Variants in CACNA2D4 observed in about 807,000 individuals in gnomAD.
The protein encoded by CACNA2D4 is voltage-dependent calcium channel subunit alpha-2/delta-4.
Under a neutral mutation model 163.8 loss-of-function variants are expected in CACNA2D4, and 157 were observed. The ratio of observed to expected loss-of-function variants is 0.96; its 90% CI spans 0.84 to 1.09. CACNA2D4 has a LOEUF of 1.09. Among genes scored for constraint, CACNA2D4 ranks in the 50% least tolerant of loss-of-function variants. The pLI, the probability that CACNA2D4 is intolerant of heterozygous loss-of-function variation, is 0.00. For synonymous variants in CACNA2D4, 598 were observed against 586.9 expected (o/e 1.02, Z -0.27); for missense variants, 1,410 against 1,479.9 (o/e 0.95, Z 0.78).
At chr12:1,892,844 T>C (rs760932478) in intron 6 of CACNA2D4, among the ~76,000 whole-genome samples, 15 of 152,188 alleles carry the variant, frequency 9.9e-5, no homozygotes, top group South Asian at 4.1e-4. Flanking sequence ...GCTATACTTA[T>C]ATTAGATAAA....
intron 12 of CACNA2D4, 97 bp downstream of exon 12, chr12:1,884,146 C>T: frequency 9.8e-7 from 1 of 1,022,350 alleles, no homozygotes. Flanking sequence ...TCTTAGGGGC[C>T]CATGGGGAAG....
chr12:1,809,360 G>A (rs1320636704), intron 29 of CACNA2D4: 7 of 604,996 alleles, frequency 1.2e-5, no homozygotes, highest in Admixed American at 8.8e-5. Context: ...AGCCCCCGGC[G>A]AGACACAGCT....
At chr12:1,876,983 TTC>T (rs924824076) in intron 16 of CACNA2D4, among the ~76,000 whole-genome samples, 1 of 152,242 alleles carries the variant, frequency 6.6e-6, no homozygotes, top group East Asian at 1.9e-4. Context: ...TCGTTATTTT[TTC>T]TTTTTCAAAC....
intron 18 of CACNA2D4, among the ~76,000 whole-genome samples, chr12:1,872,385 T>C (rs914922883): frequency 3.9e-5 from 6 of 152,024 alleles, no homozygotes; most frequent in African/African-American, 1.5e-4. Flanking sequence ...ACCTATAAAA[T>C]CCCCTGGAGA....
intron 6 of CACNA2D4, among the ~76,000 whole-genome samples, chr12:1,898,720 T>A (rs1183914307): frequency 6.6e-6 from 1 of 151,952 alleles, no homozygotes. Context: ...TATATATGTA[T>A]ACACACAAAA....
intron 26 of CACNA2D4, among the ~76,000 whole-genome samples, chr12:1,831,753 A>T (rs367860209): frequency 3.1e-5 from 2 of 64,480 alleles, no homozygotes; most frequent in African/African-American, 5.9e-5. Context: ...CTCCACCCCC[A>T]CCCTCCCCTC....
intron 26 of CACNA2D4, chr12:1,827,989 A>G (rs1766413959): frequency 1.9e-6 from 1 of 520,784 alleles, no homozygotes; most frequent in South Asian, 3.2e-5. Flanking sequence ...TGAGGAGTGT[A>G]AAGAGACACC....
At chr12:1,900,614 T>C (rs7134485) in intron 6 of CACNA2D4, among the ~76,000 whole-genome samples, 10,105 of 152,224 alleles carry the variant, frequency 0.066, 821 homozygotes, top group East Asian at 0.42. Context: ...TTGAATGTCA[T>C]TAGATAATGA....
chr12:1,861,737 T>C (rs1182429779), intron 18 of CACNA2D4, among the ~76,000 whole-genome samples: 3 of 152,100 alleles, frequency 2.0e-5, no homozygotes, highest in Non-Finnish European at 4.4e-5. Context: ...GCCACCATGC[T>C]CGGCCTATCT....
chr12:1,797,195 T>C (rs1305013311), intron 35 of CACNA2D4, among the ~76,000 whole-genome samples: 1 of 152,138 alleles, frequency 6.6e-6, no homozygotes, highest in Non-Finnish European at 1.5e-5. Flanking sequence ...GCTGTCCCGG[T>C]CCCCAGCCGT....
At chr12:1,856,951 G>A (rs570096380) in intron 20 of CACNA2D4, among the ~76,000 whole-genome samples, 1 of 152,232 alleles carries the variant, frequency 6.6e-6, no homozygotes, top group Non-Finnish European at 1.5e-5. Flanking sequence ...AGCTGGAAGG[G>A]GAGCTCCCTT....
chr12:1,849,224 G>A (rs1241103166), intron 23 of CACNA2D4, among the ~76,000 whole-genome samples: 1 of 152,172 alleles, frequency 6.6e-6, no homozygotes, highest in Non-Finnish European at 1.5e-5. Context: ...TTCTTTAAGA[G>A]AAATACATCA....
chr12:1,825,729 G>T (rs1249981063), intron 26 of CACNA2D4, among the ~76,000 whole-genome samples: 1 of 152,232 alleles, frequency 6.6e-6, no homozygotes, highest in Non-Finnish European at 1.5e-5. Context: ...GCCTGTGTGT[G>T]TGCCCTGCTC....
At chr12:1,911,588 C>A (rs1320254115) in intron 3 of CACNA2D4, among the ~76,000 whole-genome samples, 1 of 152,178 alleles carries the variant, frequency 6.6e-6, no homozygotes, top group Admixed American at 6.5e-5. Context: ...AAACTTCCCA[C>A]GCGCACCCTC....
chr12:1,843,150 G>A lies in CACNA2D4; in HGVS notation c.2470+1252C>T, dbSNP rs78571582. Among the ~76,000 whole-genome samples the A allele has an allele frequency of 0.013, 1,982 of 152,284 alleles. 33 individuals are homozygous for A. The highest frequency in any genetic ancestry group is 0.045 in the African/African-American group (1,885 of 41,558). Reference sequence around the variant, plus strand: ...TGTGAAGCATAGTAGTTATTTGCACGTGTGTGGAGGGAACAGCACAGGTGG... The same window carrying A: ...TGTGAAGCATAGTAGTTATTTGCACATGTGTGGAGGGAACAGCACAGGTGG... On this transcript the variant is annotated intron_variant, in intron 25 of 37. Coordinates refer to ENST00000382722, the MANE Select transcript of CACNA2D4 (RefSeq NM_172364.5). The surrounding 1 kb of genome is among the most constrained non-coding windows in gnomAD (Gnocchi z 4.6).
chr12:1,871,369 TGTGCTGCTGGTGTGTGTGTACAC>T (rs1397736966), intron 18 of CACNA2D4, among the ~76,000 whole-genome samples: 10 of 141,356 alleles, frequency 7.1e-5, no homozygotes, highest in East Asian at 2.0e-4. Context: ...TGTACATGTG[TGTGCTGCTGGTGTGTGTGTACAC>T]GTGCTGCTGG....
chr12:1,880,204 A>G (rs190345354), intron 13 of CACNA2D4, among the ~76,000 whole-genome samples: 2 of 152,346 alleles, frequency 1.3e-5, no homozygotes, highest in East Asian at 3.9e-4. Flanking sequence ...TTAAGTGCAA[A>G]CCCAGGAAAC....
Position 1,799,754 on chromosome 12 carries a change from A to G in CACNA2D4, c.2975-59T>C. On this transcript the variant is annotated intron_variant, in intron 33 of 37. Transcript: ENST00000382722. The surrounding 1 kb of genome is among the most constrained non-coding windows in gnomAD (Gnocchi z 4.7). The stretch of plus-strand genomic sequence containing the variant: ...ACGGCACAGGAAAACATGGTGGCAC[A>G]TGAGGGCAGGATGTCATGGGGTGGT... 1 of 1,553,020 alleles carries G rather than the reference A, an allele frequency of 6.4e-7. No homozygotes were observed. Among genetic ancestry groups the G allele is most frequent in the East Asian group, 2.4e-5 (1 of 41,270 alleles).
In CACNA2D4 at chr12:1,874,445, A is replaced by G. The variant is rs528322013; in HGVS notation, c.1878+159T>C. Among the ~76,000 whole-genome samples, 1 of 152,246 alleles carries G rather than the reference A, an allele frequency of 6.6e-6. No individual in the cohort carries two copies. The highest frequency in any genetic ancestry group is 2.4e-5 in the African/African-American group (1 of 41,542). Reference sequence around the variant, plus strand: ...CTGGCTAGGTGTTTCTCCAGGGCCAATGCACCCTGCGTATACTCCCTAATG... The same window carrying G: ...CTGGCTAGGTGTTTCTCCAGGGCCAGTGCACCCTGCGTATACTCCCTAATG... On this transcript the variant is annotated intron_variant, in intron 18 of 37. Coordinates refer to ENST00000382722, the MANE Select transcript of CACNA2D4 (RefSeq NM_172364.5). This position sits in a 1 kb window ranked among gnomAD's most constrained non-coding sequence, Gnocchi z 4.4.
Sources: gnomAD v4.1 joint callset for allele counts (sites outside exome capture counted in the v4.1 genomes callset) on GRCh38, gnomAD v4.1.1 for gene constraint, Gnocchi (gnomAD v3.1) non-coding constraint, MANE v1.5 for transcripts, NCBI Gene and HGNC (gene_info 2026-07-23, HGNC 2026-07-21) for gene names.